The following ADSL variants were observed in gnomAD, a reference collection of about 807,000 sequenced individuals.
ADSL encodes adenylosuccinase.
Under a neutral mutation model 62.1 loss-of-function variants are expected in ADSL, and 44 were observed. That is an observed-to-expected ratio of 0.71 (90% CI 0.56 to 0.91). The LOEUF is 0.91. Ranked by LOEUF, ADSL falls within the 40% of genes least tolerant of loss-of-function variation. The probability of loss-of-function intolerance (pLI) is 0.00; values close to 1 mark genes in which losing one functional copy is unlikely to be tolerated. For synonymous variants in ADSL, 198 were observed against 220.5 expected (o/e 0.90, Z 0.90); for missense variants, 531 against 627.4 (o/e 0.85, Z 1.64).
Position 40,361,321 on chromosome 22 carries a change from C to T in ADSL, c.841C>T (p.Pro281Ser). ...GGCAAACCTCAAGGAGATGGAGGAA[C>T]CCTTTGAAAAACAGCAGATTGGTGA... ...LLANLKEMEE[P>S]FEKQQIGSSA... Residue 281 changes from proline to serine, a missense_variant, in exon 8 of 13, where the codon CCC (proline) becomes TCC (serine). Physicochemically the swap from Pro to Ser is moderately conservative, Grantham distance 74. Around this residue, in one of 2 missense-constraint regions of ADSL, gnomAD observed 471 missense variants for 592.9 expected, o/e 0.79. Transcript: ENST00000623063. 6.2e-7 allele frequency: 1 copy of T among 1,614,192 alleles called. No homozygotes were observed. Among genetic ancestry groups the T allele is most frequent in the Non-Finnish European group, 8.5e-7 (1 of 1,180,040 alleles).
At chr22:40,380,291 A>G (rs960596222) in intron 2 of ADSL, among the ~76,000 whole-genome samples, 6 of 151,958 alleles carry the variant, frequency 3.9e-5, no homozygotes, top group African/African-American at 1.5e-4. Flanking sequence ...ATCAGTAAAC[A>G]TTCTGGCATT....
At chr22:40,349,402 G>A (rs1314453513) in intron 1 of ADSL, among the ~76,000 whole-genome samples, 1 of 149,812 alleles carries the variant, frequency 6.7e-6, no homozygotes, top group Non-Finnish European at 1.5e-5. Context: ...GGAGACAGAG[G>A]CTTACTCTGT....
At chr22:40,379,026 CTAA>C (rs1359808759) in intron 2 of ADSL, among the ~76,000 whole-genome samples, 1 of 152,188 alleles carries the variant, frequency 6.6e-6, no homozygotes, top group Admixed American at 6.5e-5. Context: ...CCCTGACTAC[CTAA>C]TTTAGAATAG....
At chr22:40,385,021 G>A (rs2048201531) in intron 2 of ADSL, among the ~76,000 whole-genome samples, 1 of 152,182 alleles carries the variant, frequency 6.6e-6, no homozygotes, top group Non-Finnish European at 1.5e-5. Context: ...TCTGGAGAAA[G>A]AAGAGGCAGT....
chr22:40,379,920 A>T (rs2047283827), intron 2 of ADSL, among the ~76,000 whole-genome samples: 3 of 152,124 alleles, frequency 2.0e-5, no homozygotes, highest in African/African-American at 7.2e-5. Flanking sequence ...CATGTTGCCC[A>T]GGGTGGTCTC....
chr22:40,361,219 ACT>A (rs2044770477), intron 7 of ADSL, 52 bp from the exon 8 acceptor site: 2 of 1,545,792 alleles, frequency 1.3e-6, no homozygotes, highest in Non-Finnish European at 1.8e-6. Flanking sequence ...CAGCTCCCAG[ACT>A]CTACTGCACA....
intron 8 of ADSL, 27 bp downstream of exon 8, chr22:40,361,369 C>T (rs2146662316): frequency 6.2e-7 from 1 of 1,612,980 alleles, no homozygotes; most frequent in Non-Finnish European, 8.5e-7. Context: ...GACCTGTGAG[C>T]ACACATTGCT....
chr22:40,375,441 G>A (rs1322871243), intron 2 of ADSL, among the ~76,000 whole-genome samples: 3 of 151,930 alleles, frequency 2.0e-5, no homozygotes, highest in African/African-American at 7.3e-5. Flanking sequence ...TTAGCTGGGT[G>A]TGGTGGCAGG....
intron 12 of ADSL, among the ~76,000 whole-genome samples, chr22:40,365,946 T>C (rs761314015): frequency 1.3e-5 from 2 of 151,658 alleles, no homozygotes; most frequent in Non-Finnish European, 2.9e-5. Flanking sequence ...TGTAAATAGG[T>C]CATTATGATA....
intron 2 of ADSL, among the ~76,000 whole-genome samples, chr22:40,375,572 C>T (rs1424343336): frequency 1.3e-5 from 2 of 149,316 alleles, no homozygotes; most frequent in African/African-American, 5.0e-5. Context: ...AAGAGTGAAA[C>T]TCTGTCTCAA....
At position 40,349,889 on chromosome 22, in the gene ADSL, A is replaced by G. The variant is rs1417865183; in HGVS notation, c.211A>G (p.Asn71Asp). The change falls in exon 2 of 13, where the codon AAC (asparagine) becomes GAC (aspartate). Residue 71 changes from asparagine to aspartate, a missense_variant. Physicochemically the swap from Asn to Asp is conservative, Grantham distance 23 (BLOSUM62 1). Transcript: ENST00000623063. ...CCAGGAGATGAAATCAAACCTGGAG[A>G]ACATCGACTTCAAGATGGCAGCTGA... ...QIQEMKSNLE[N>D]IDFKMAAEEE... 6.2e-7 allele frequency: 1 copy of G among 1,614,168 alleles called. No individual in the cohort carries two copies.
Position 40,361,572 on chromosome 22 carries a change from T to G in ADSL, c.947T>G (p.Met316Arg). 6.2e-7 allele frequency: 1 copy of G among 1,614,204 alleles called. No individual in the cohort carries two copies. The highest frequency in any genetic ancestry group is 8.5e-7 in the Non-Finnish European group (1 of 1,180,050). Residue 316 changes from methionine to arginine, a missense_variant, in exon 9 of 13, where the codon ATG becomes AGG. By Grantham distance (91) the Met-to-Arg change is moderately conservative (BLOSUM62 -1). This residue lies in a region of ADSL where 471 missense variants were observed against 592.9 expected (regional missense o/e 0.79). Coordinates refer to ENST00000623063, the MANE Select transcript of ADSL (RefSeq NM_000026.4). ...GCCCGCCACCTGATGACCCTTGTCA[T>G]GGACCCGCTACAGACAGCATCTGTC... Reference protein sequence around the residue: ...SLARHLMTLVMDPLQTASVQW... With the variant: ...SLARHLMTLVRDPLQTASVQW...
rs780488636 is a variant in ADSL at position 40,346,526 on chromosome 22, T to G, written c.-33T>G. 5 of 1,589,340 alleles carry G rather than the reference T, an allele frequency of 3.1e-6. No homozygotes were observed. The highest frequency in any genetic ancestry group is 4.3e-6 in the Non-Finnish European group (5 of 1,171,776). ...GGTTTCCGCTTCCGCTCTTCCCTGG[T>G]CCAGTCCACCCTGGCGGGGTCGCAG... On this transcript the variant is annotated 5_prime_UTR_variant, in exon 1 of 13. Coordinates refer to ENST00000623063, the MANE Select transcript of ADSL (RefSeq NM_000026.4).
chr22:40,346,771 C>T (rs1385824388), intron 1 of ADSL, 60 bp downstream of exon 1: 3 of 1,530,206 alleles, frequency 2.0e-6, no homozygotes, highest in South Asian at 2.4e-5. Context: ...CAGCACGTGC[C>T]GGGCTCTGTT....
chr22:40,370,628 G>A (rs187950523), downstream of ADSL: 20 of 152,618 alleles, frequency 1.3e-4, no homozygotes, highest in Admixed American at 4.6e-4. Context: ...GCGCTGACTG[G>A]GTGCGAGTGG....
chr22:40,379,850 C>T (rs1306210130), intron 2 of ADSL, among the ~76,000 whole-genome samples: 3 of 152,078 alleles, frequency 2.0e-5, no homozygotes, highest in Non-Finnish European at 2.9e-5. Flanking sequence ...TCTGGGACTA[C>T]AGATTTGCAC....
downstream of ADSL, among the ~76,000 whole-genome samples, chr22:40,372,237 C>T (rs1163170750): frequency 3.3e-5 from 5 of 150,290 alleles, no homozygotes; most frequent in Non-Finnish European, 7.4e-5. Flanking sequence ...CGCCATTCTC[C>T]TGCCTCAGCC....
intron 9 of ADSL, 152 bp from the exon 10 acceptor site, chr22:40,362,829 A>G (rs2044845389): frequency 3.8e-6 from 3 of 788,070 alleles, no homozygotes; most frequent in Admixed American, 1.8e-5. Flanking sequence ...TAGAGGTGAC[A>G]GATTTGAGGG....
At chr22:40,374,893 A>G (rs918362236) in intron 2 of ADSL, among the ~76,000 whole-genome samples, 2 of 152,188 alleles carry the variant, frequency 1.3e-5, no homozygotes, top group Admixed American at 6.5e-5. Flanking sequence ...TCAAACAAAC[A>G]CATTGTACCA....
Sources: gnomAD v4.1 joint callset for allele counts (sites outside exome capture counted in the v4.1 genomes callset) on GRCh38, gnomAD v4.1.1 for gene constraint, gnomAD v4.1.1 regional missense constraint, MANE v1.5 for transcripts, NCBI Gene and HGNC (gene_info 2026-07-23, HGNC 2026-07-21) for gene names.